Variants in SEMA6D observed in about 807,000 individuals in gnomAD.
SEMA6D encodes semaphorin 6D, also known as semaphorin-6D.
In SEMA6D, 35 loss-of-function variants were observed where a neutral mutation model predicts 106.6. The observed-to-expected ratio is 0.33, with a 90% CI of 0.25 to 0.44. The LOEUF (loss-of-function observed/expected upper bound fraction) is 0.44. SEMA6D is among the 20% of genes least tolerant of loss of function. The pLI, the probability that SEMA6D is intolerant of heterozygous loss-of-function variation, is 1.00. For missense variants in SEMA6D, 1,185 were observed against 1,345.9 expected, an observed-to-expected ratio of 0.88 and a Z score of 1.87; for synonymous variants, 499 against 487.7, an observed-to-expected ratio of 1.02 and a Z score of -0.31.
chr15:47,332,737 T>C (rs17287785), intron 1 of SEMA6D, among the ~76,000 whole-genome samples: 1,675 of 152,310 alleles, frequency 0.011, 12 homozygotes, highest in Non-Finnish European at 0.014. Context: ...ATCTGCCAGA[T>C]TAGCCTTTAG....
intron 4 of SEMA6D, among the ~76,000 whole-genome samples, chr15:47,660,070 A>C (rs2077886480): frequency 6.6e-6 from 1 of 151,834 alleles, no homozygotes; most frequent in Admixed American, 6.6e-5. Flanking sequence ...TTACCTGAGC[A>C]TGTTGTGTGG....
At chr15:47,707,219 C>T (rs1259740423) in intron 4 of SEMA6D, among the ~76,000 whole-genome samples, 1 of 152,018 alleles carries the variant, frequency 6.6e-6, no homozygotes, top group Non-Finnish European at 1.5e-5. Context: ...ATTGTGTTTC[C>T]CTAAGTTCAT....
intron 1 of SEMA6D, among the ~76,000 whole-genome samples, chr15:47,227,883 A>T (rs1006732603): frequency 4.5e-5 from 3 of 66,594 alleles, no homozygotes; most frequent in Admixed American, 1.5e-4. Context: ...TATAAGAATC[A>T]TATATATTTT....
intron 1 of SEMA6D, among the ~76,000 whole-genome samples, chr15:47,380,284 T>C (rs2039592384): frequency 6.6e-6 from 1 of 152,214 alleles, no homozygotes; most frequent in South Asian, 2.1e-4. Context: ...TTCGAGTCTC[T>C]CTTCTTTCTA....
At position 47,560,874 on chromosome 15, in the gene SEMA6D, G is replaced by A. The variant is rs185672408; in HGVS notation, c.-86-39991G>A. Reference sequence around the variant, plus strand: ...ATGCAGAGAAGGCAAAGATTGCCTCGGTCTAACAGAAGCCAGGGAAGGGGC... The same window carrying A: ...ATGCAGAGAAGGCAAAGATTGCCTCAGTCTAACAGAAGCCAGGGAAGGGGC... On this transcript the variant is annotated intron_variant, in intron 3 of 19. Coordinates refer to the SEMA6D transcript ENST00000558014. Among the ~76,000 whole-genome samples the A allele has an allele frequency of 2.6e-3, 401 of 151,994 alleles. 3 individuals carry two copies. The highest frequency in any genetic ancestry group is 4.9e-3 in the Admixed American group (75 of 15,240).
chr15:47,445,547 A>G (rs1160445051), intron 2 of SEMA6D, among the ~76,000 whole-genome samples: 1 of 152,022 alleles, frequency 6.6e-6, no homozygotes, highest in Non-Finnish European at 1.5e-5. Flanking sequence ...ATTATGGTGT[A>G]TATCAGTTTG....
chr15:47,506,247 A>G (rs188267205), intron 3 of SEMA6D, among the ~76,000 whole-genome samples: 480 of 152,264 alleles, frequency 3.2e-3, no homozygotes, highest in African/African-American at 0.011. Flanking sequence ...TGTGCTTCAA[A>G]AATGCTTAGC....
intron 4 of SEMA6D, among the ~76,000 whole-genome samples, chr15:47,622,808 G>A (rs1266157721): frequency 6.6e-6 from 1 of 152,140 alleles, no homozygotes; most frequent in Non-Finnish European, 1.5e-5. Flanking sequence ...GCAGGGGTTG[G>A]TATTGATAAG....
chr15:47,759,826 A>T lies in SEMA6D; in HGVS notation c.28A>T (p.Ile10Leu), dbSNP rs754149572. The change falls in exon 2 of 19, where the codon ATA (isoleucine) becomes TTA (leucine). Residue 10 changes from isoleucine (I) to leucine (L), a missense_variant. Physicochemically the swap from Ile to Leu is conservative, Grantham distance 5. This residue lies in a region of SEMA6D where 144 missense variants were observed against 138.6 expected (regional missense o/e 1.04). Transcript: ENST00000536845. MRVFLLCAY[I>L]LLLMVSQLRA... ...GAGGGTCTTCCTGCTTTGTGCCTAC[A>T]TACTGCTGCTGATGGTTTCCCAGTT... 9 of 1,613,822 alleles carry T rather than the reference A, an allele frequency of 5.6e-6. No homozygotes were observed. Among genetic ancestry groups the T allele is most frequent in the Admixed American group, 1.7e-5 (1 of 60,010 alleles).
chr15:47,721,426 C>G (rs565059984), intron 1 of SEMA6D, among the ~76,000 whole-genome samples: 1 of 152,298 alleles, frequency 6.6e-6, no homozygotes, highest in Non-Finnish European at 1.5e-5. Flanking sequence ...TCTACCAAAG[C>G]TAGTGTCTTG....
rs1354331208 is a variant in SEMA6D at position 47,764,685 on chromosome 15, C to T, written c.1145C>T (p.Ser382Phe). 1 of 1,613,968 alleles carries T rather than the reference C, an allele frequency of 6.2e-7. No homozygotes were observed. Among genetic ancestry groups the T allele is most frequent in the African/African-American group, 1.3e-5 (1 of 74,932 alleles). ...KHGLAEAYKT[S>F]IDFPDETLSF... The stretch of plus-strand genomic sequence containing the variant: ...GGCCTTGCCGAAGCTTATAAAACCT[C>T]CATCGATTTCCCGGATGAAACTCTG... Residue 382 changes from serine to phenylalanine, a missense_variant, in exon 12 of 19, where the codon TCC becomes TTC. By Grantham distance (155) the Ser-to-Phe change is radical. Around this residue, in one of 3 missense-constraint regions of SEMA6D, gnomAD observed 291 missense variants for 423.8 expected, o/e 0.69. Coordinates refer to ENST00000536845, the MANE Select transcript of SEMA6D (RefSeq NM_001358351.3).
chr15:47,598,558 C>G (rs1443314208), intron 3 of SEMA6D, among the ~76,000 whole-genome samples: 4 of 152,126 alleles, frequency 2.6e-5, no homozygotes, highest in African/African-American at 9.7e-5. Flanking sequence ...TCAGACCACT[C>G]CCCTGTACAA....
intron 1 of SEMA6D, among the ~76,000 whole-genome samples, chr15:47,410,071 C>T (rs2040736119): frequency 6.6e-6 from 1 of 152,072 alleles, no homozygotes; most frequent in Admixed American, 6.6e-5. Context: ...ACCTCCTGGG[C>T]TCAGGTGATC....
chr15:47,504,821 C>A (rs2043983789), intron 3 of SEMA6D, among the ~76,000 whole-genome samples: 1 of 152,148 alleles, frequency 6.6e-6, no homozygotes, highest in South Asian at 2.1e-4. Context: ...GATTCTTCGT[C>A]TGGTTTTACC....
At chr15:47,490,059 G>T (rs2043423722) in intron 3 of SEMA6D, among the ~76,000 whole-genome samples, 1 of 152,156 alleles carries the variant, frequency 6.6e-6, no homozygotes, top group South Asian at 2.1e-4. Flanking sequence ...ATCTGCTTCT[G>T]TGAAGGTTTT....
At chr15:47,347,429 C>T (rs988027581) in intron 1 of SEMA6D, among the ~76,000 whole-genome samples, 2 of 152,184 alleles carry the variant, frequency 1.3e-5, no homozygotes, top group African/African-American at 4.8e-5. Context: ...GACTATTGAT[C>T]AAAATTTCTA....
intron 1 of SEMA6D, among the ~76,000 whole-genome samples, chr15:47,326,536 G>C (rs1179905276): frequency 6.6e-6 from 1 of 152,226 alleles, no homozygotes; most frequent in Non-Finnish European, 1.5e-5. Flanking sequence ...TTATTAGGTT[G>C]TAGCCTGGTT....
intron 4 of SEMA6D, among the ~76,000 whole-genome samples, chr15:47,605,545 A>C (rs2076761617): frequency 9.2e-6 from 1 of 109,214 alleles, no homozygotes; most frequent in African/African-American, 3.6e-5. Flanking sequence ...CCTACTTCAG[A>C]TGCCAACTGC....
chr15:47,767,141 A>G (rs1270092282), intron 17 of SEMA6D, 48 bp downstream of exon 17: 3 of 1,309,730 alleles, frequency 2.3e-6, no homozygotes, highest in South Asian at 2.7e-5. Flanking sequence ...TCTTTCCTTC[A>G]GTTCAGCATT....
Sources: allele counts gnomAD v4.1 joint callset (sites outside exome capture counted in the v4.1 genomes callset), GRCh38; gene constraint gnomAD v4.1.1; regional missense constraint gnomAD v4.1.1; transcripts MANE v1.5; gene names NCBI Gene and HGNC (gene_info 2026-07-23, HGNC 2026-07-21).